TOM1L1: variants seen among roughly 807,000 people sequenced by gnomAD.
The protein encoded by TOM1L1 is target of myb1 like 1 membrane trafficking protein.
Under a neutral mutation model 63.4 loss-of-function variants are expected in TOM1L1, and 64 were observed. The observed-to-expected ratio is 1.01, with a 90% CI of 0.83 to 1.24. The LOEUF (loss-of-function observed/expected upper bound fraction) is 1.24, where lower values mean the gene tolerates loss of function less well. Ranked by LOEUF, TOM1L1 falls within the 50% of genes most tolerant of loss-of-function variation. The pLI is 0.00. For synonymous variants in TOM1L1, 166 were observed against 194.4 expected (o/e 0.85, Z 1.22); for missense variants, 536 against 567.0 (o/e 0.95, Z 0.55).
At chr17:54,914,581 T>TG in intron 5 of TOM1L1, 58 bp from the exon 6 acceptor site, 2 of 1,409,112 alleles carry the variant, frequency 1.4e-6, no homozygotes, top group Non-Finnish European at 2.0e-6. Context: ...GGAAAAAACT[T>TG]GGCGTTGGGT....
intron 8 of TOM1L1, among the ~76,000 whole-genome samples, chr17:54,932,292 A>C (rs1190906055): frequency 6.6e-6 from 1 of 152,168 alleles, no homozygotes; most frequent in African/African-American, 2.4e-5. Flanking sequence ...TAGAGGCTGC[A>C]TGCACTGGTA....
chr17:54,958,724 C>T lies in TOM1L1; in HGVS notation c.1371-1842C>T, dbSNP rs1254112033. Reference sequence around the variant, plus strand: ...TAGCGTGGGCAACAAGAGTGAAACTCCATCTCAAAAAAAAAAAAAAAAAAG... The same window carrying T: ...TAGCGTGGGCAACAAGAGTGAAACTTCATCTCAAAAAAAAAAAAAAAAAAG... On this transcript the variant is annotated intron_variant, in intron 14 of 15. Coordinates refer to ENST00000575882, the MANE Select transcript of TOM1L1 (RefSeq NM_005486.3). Among the ~76,000 whole-genome samples the T allele has an allele frequency of 1.8e-4, 11 of 61,748 alleles. No individual in the cohort carries two copies. The East Asian group carries it at 3.4e-3, about 19-fold the overall frequency. 40.5% of individuals were successfully genotyped at this position (61,748 alleles called of 152,430 possible). A position where few individuals can be genotyped will look rare whatever the true frequency, so the allele number is the denominator to read the frequency against.
chr17:54,937,322 G>A, intron 10 of TOM1L1, 96 bp downstream of exon 10: 1 of 1,000,250 alleles, frequency 1.0e-6, no homozygotes, highest in South Asian at 1.3e-5. Context: ...AAGAAGGACT[G>A]AAGTCAGGTT....
At chr17:54,907,775 A>G (rs1044160313) in intron 3 of TOM1L1, among the ~76,000 whole-genome samples, 2 of 152,238 alleles carry the variant, frequency 1.3e-5, no homozygotes, top group Non-Finnish European at 2.9e-5. Context: ...AGAGAAGGGC[A>G]GAAGATGAAT....
intron 3 of TOM1L1, among the ~76,000 whole-genome samples, chr17:54,908,570 C>A (rs2048447983): frequency 6.6e-6 from 1 of 152,070 alleles, no homozygotes; most frequent in Admixed American, 6.6e-5. Context: ...TATAAATATT[C>A]TTTATGTTAT....
rs563789259 is a variant in TOM1L1, at chr17:54,936,566, A to G, written c.855-83A>G. 4.0e-5 allele frequency: 47 copies of G among 1,169,796 alleles called. No homozygotes were observed. In the African/African-American group the frequency reaches 6.5e-4, roughly 16 times the overall value. 72.5% of individuals were successfully genotyped at this position (1,169,796 alleles called of 1,614,324 possible). A position where few individuals can be genotyped will look rare whatever the true frequency, so the allele number is the denominator to read the frequency against. ...AGGCTGATTGTCTTCATTCCTAAAT[A>G]TTTGTGTATTAATAATTGTTAGATT... On this transcript the variant is annotated intron_variant, in intron 8 of 15. Transcript: ENST00000575882.
At chr17:54,936,746 A>G (rs762730045) in intron 9 of TOM1L1, 37 bp downstream of exon 9, 5 of 1,562,828 alleles carry the variant, frequency 3.2e-6, no homozygotes, top group Non-Finnish European at 4.3e-6. Flanking sequence ...AAACAATTGA[A>G]CATTTTGCCA....
chr17:54,960,421 C>G, intron 14 of TOM1L1, 145 bp from the exon 15 acceptor site: 1 of 641,110 alleles, frequency 1.6e-6, no homozygotes, highest in South Asian at 1.9e-5. Flanking sequence ...AGAATACACA[C>G]TTCAGGGCAG....
At chr17:54,906,812 T>C (rs751510389) in intron 3 of TOM1L1, 1 of 985,552 alleles carries the variant, frequency 1.0e-6, no homozygotes. Flanking sequence ...TACTTTAGTA[T>C]GTGTTGCAAG....
chr17:54,939,073 A>G lies in TOM1L1; in HGVS notation c.1130+53A>G, dbSNP rs563259464. On this transcript the variant is annotated intron_variant, in intron 11 of 15. Coordinates refer to ENST00000575882, the MANE Select transcript of TOM1L1 (RefSeq NM_005486.3). ...TAATATCATGACATTTAGATTCCTT[A>G]CAATTAAGAAAACCTGATGGCTGGG... The G allele has an allele frequency of 9.5e-6, 12 of 1,265,446 alleles. No individual in the cohort carries two copies. The African/African-American group carries it at 1.7e-4, about 17-fold the overall frequency. The allele number at this position is 1,265,446 out of a possible 1,614,324, so 78.4% of individuals were successfully genotyped here.
intron 7 of TOM1L1, 49 bp from the exon 8 acceptor site, chr17:54,930,024 T>C (rs914004656): frequency 6.2e-6 from 10 of 1,611,644 alleles, no homozygotes; most frequent in African/African-American, 1.3e-5. Context: ...GATGTCTTTA[T>C]AGAATGTTCC....
chr17:54,913,783 A>G lies in TOM1L1; in HGVS notation c.408A>G (p.Val136=), dbSNP rs748771535. The G allele has an allele frequency of 6.8e-6, 11 of 1,611,090 alleles. No individual in the cohort carries two copies. The East Asian group carries it at 2.0e-4, about 30-fold the overall frequency. The change falls in exon 5 of 16, where the codon GTA becomes GTG. Residue 136 remains valine (V), a synonymous_variant. Coordinates refer to ENST00000575882, the MANE Select transcript of TOM1L1 (RefSeq NM_005486.3). ...AGGGCTTCCCAGGAGGTGTGGATGTAAGCGAAGTCAAAGAAGTATACCTCG... is the reference window on the plus strand; with the variant it reads ...AGGGCTTCCCAGGAGGTGTGGATGTGAGCGAAGTCAAAGAAGTATACCTCG... ...WSQGFPGGVD[V]SEVKEVYLDL...
intron 8 of TOM1L1, among the ~76,000 whole-genome samples, chr17:54,932,852 T>G (rs1296093402): frequency 6.6e-6 from 1 of 152,228 alleles, no homozygotes; most frequent in Non-Finnish European, 1.5e-5. Flanking sequence ...CCTTCTGGCT[T>G]TCATTTTGGA....
In TOM1L1 at chr17:54,949,504, T is replaced by TA. The variant is rs770746438; in HGVS notation, c.1183-13dup. ...GTAGAACGTTTATATGAACATGTGT[T>TA]ATGCTTTCTTCAGTTTCTGGAACAT... On this transcript the variant is annotated splice_polypyrimidine_tract_variant and intron_variant, in intron 12 of 15. Transcript: ENST00000575882. The TA allele has an allele frequency of 6.3e-5, 100 of 1,597,736 alleles. No individual in the cohort carries two copies. The highest frequency in any genetic ancestry group is 8.5e-5 in the Non-Finnish European group (99 of 1,165,246).
At chr17:54,947,825 T>C (rs548346734) in intron 12 of TOM1L1, among the ~76,000 whole-genome samples, 1 of 152,326 alleles carries the variant, frequency 6.6e-6, no homozygotes, top group South Asian at 2.1e-4. Flanking sequence ...TCTGTGGTCT[T>C]TTGGTCTCAT....
intron 1 of TOM1L1, chr17:54,901,190 C>G: frequency 1.8e-6 from 1 of 545,672 alleles, no homozygotes; most frequent in Non-Finnish European, 3.3e-6. Context: ...AGGTGAACCG[C>G]GGGAGTCAGG....
intron 12 of TOM1L1, among the ~76,000 whole-genome samples, chr17:54,948,980 T>TC (rs1048296547): frequency 1.2e-4 from 18 of 152,336 alleles, no homozygotes; most frequent in Non-Finnish European, 2.1e-4. Context: ...GGTTTTTTTT[T>TC]CACAGTTTCT....
At chr17:54,907,363 A>G (rs2048429198) in intron 3 of TOM1L1, among the ~76,000 whole-genome samples, 1 of 152,186 alleles carries the variant, frequency 6.6e-6, no homozygotes, top group South Asian at 2.1e-4. Context: ...ATTGAGACTA[A>G]CAGAAACAGA....
chr17:54,915,829 G>A lies in TOM1L1; in HGVS notation c.687G>A (p.Gly229=). The change falls in exon 7 of 16, where the codon GGG becomes GGA. Residue 229 remains glycine, a synonymous_variant. Coordinates refer to ENST00000575882, the MANE Select transcript of TOM1L1 (RefSeq NM_005486.3). ...MSAILMENTP[G]SENHEDIELL... ...CCATATTGATGGAGAATACTCCTGG[G>A]TCTGAAAACCATGAAGACATAGAGC... The A allele has an allele frequency of 6.2e-7, 1 of 1,613,834 alleles. No homozygotes were observed. The highest frequency in any genetic ancestry group is 8.5e-7 in the Non-Finnish European group (1 of 1,179,892).
Sources: allele counts gnomAD v4.1 joint callset (sites outside exome capture counted in the v4.1 genomes callset), GRCh38; gene constraint gnomAD v4.1.1; transcripts MANE v1.5; gene names NCBI Gene and HGNC (gene_info 2026-07-23, HGNC 2026-07-21).